The following RALYL variants were observed in gnomAD, a reference collection of about 807,000 sequenced individuals.
RALYL encodes the protein RALY RNA binding protein like.
A neutral mutation model predicts 35.1 loss-of-function variants in RALYL; 29 were observed. That is an observed-to-expected ratio of 0.83 (90% confidence interval 0.61 to 1.13). RALYL has a LOEUF of 1.13. Among genes scored for constraint, RALYL ranks in the 50% most tolerant of loss-of-function variants. The probability of loss-of-function intolerance (pLI) is 0.00; values close to 1 mark genes in which losing one functional copy is unlikely to be tolerated. For missense variants in RALYL, 359 were observed against 360.4 expected, an observed-to-expected ratio of 1.00 and a Z score of 0.03; for synonymous variants, 120 against 127.6, an observed-to-expected ratio of 0.94 and a Z score of 0.40.
chr8:84,744,668 C>A (rs1057409304), intron 2 of RALYL, among the ~76,000 whole-genome samples: 3 of 151,944 alleles, frequency 2.0e-5, no homozygotes, highest in African/African-American at 7.2e-5. Context: ...AGACCAAGGC[C>A]ATTCAGAGCT....
intron 2 of RALYL, among the ~76,000 whole-genome samples, chr8:84,632,610 T>C (rs1033622472): frequency 1.1e-4 from 16 of 151,854 alleles, no homozygotes; most frequent in East Asian, 3.9e-4. Flanking sequence ...TGTGTGTGTG[T>C]GTGTAGTTTT....
At chr8:84,684,526 G>A (rs538976842) in intron 2 of RALYL, among the ~76,000 whole-genome samples, 1 of 152,246 alleles carries the variant, frequency 6.6e-6, no homozygotes, top group South Asian at 2.1e-4. Context: ...TGAAGATGAA[G>A]AGAAATGACA....
At chr8:84,725,652 G>A (rs1387273349) in intron 2 of RALYL, among the ~76,000 whole-genome samples, 1 of 151,602 alleles carries the variant, frequency 6.6e-6, no homozygotes, top group Non-Finnish European at 1.5e-5. Flanking sequence ...ATACGTCTGT[G>A]AGCCCTTCAA....
At chr8:84,898,283 G>A (rs955492405) in intron 8 of RALYL, among the ~76,000 whole-genome samples, 2 of 152,164 alleles carry the variant, frequency 1.3e-5, no homozygotes, top group Non-Finnish European at 2.9e-5. Flanking sequence ...GGTGATTGTG[G>A]TGCCTACTGA....
intron 1 of RALYL, among the ~76,000 whole-genome samples, chr8:84,437,445 G>A (rs965977672): frequency 1.3e-5 from 2 of 152,144 alleles, no homozygotes; most frequent in Non-Finnish European, 2.9e-5. Context: ...ACTTTCCACA[G>A]TGACTGAGCT....
chr8:84,538,567 C>T (rs2059779027), intron 2 of RALYL, among the ~76,000 whole-genome samples: 1 of 151,836 alleles, frequency 6.6e-6, no homozygotes, highest in Non-Finnish European at 1.5e-5. Flanking sequence ...CATAGTGCCT[C>T]CACCAAAATG....
intron 1 of RALYL, among the ~76,000 whole-genome samples, chr8:84,314,631 C>G (rs1408770448): frequency 6.6e-6 from 1 of 152,092 alleles, no homozygotes; most frequent in African/African-American, 2.4e-5. Flanking sequence ...GAAGCTGAGG[C>G]AGGAGGATCA....
chr8:84,795,464 GA>G (rs1306827475), intron 3 of RALYL, among the ~76,000 whole-genome samples: 1 of 152,138 alleles, frequency 6.6e-6, no homozygotes, highest in Non-Finnish European at 1.5e-5. Flanking sequence ...TTAAATATGT[GA>G]AAATGCTTAA....
At chr8:84,753,653 T>C (rs1563524129) in intron 2 of RALYL, among the ~76,000 whole-genome samples, 1 of 152,100 alleles carries the variant, frequency 6.6e-6, no homozygotes, top group Non-Finnish European at 1.5e-5. Flanking sequence ...TAAAAGTGTA[T>C]GGCACCTCTT....
At chr8:84,213,737 A>G (rs1269799776) in intron 1 of RALYL, among the ~76,000 whole-genome samples, 1 of 152,202 alleles carries the variant, frequency 6.6e-6, no homozygotes, top group African/African-American at 2.4e-5. Flanking sequence ...TCCATTAATT[A>G]CAGAGAAGTA....
At chr8:84,425,673 C>G (rs1047127424) in intron 1 of RALYL, among the ~76,000 whole-genome samples, 4 of 152,136 alleles carry the variant, frequency 2.6e-5, no homozygotes, top group African/African-American at 9.7e-5. Flanking sequence ...ACTTAATATC[C>G]TATCCTGATG....
chr8:84,424,962 A>T (rs1279791971), intron 1 of RALYL, among the ~76,000 whole-genome samples: 1 of 151,902 alleles, frequency 6.6e-6, no homozygotes, highest in Non-Finnish European at 1.5e-5. Flanking sequence ...AAGCTGTCAG[A>T]CAGGGACATT....
chr8:84,487,865 G>C (rs2054825077), intron 1 of RALYL, among the ~76,000 whole-genome samples: 1 of 151,994 alleles, frequency 6.6e-6, no homozygotes, highest in South Asian at 2.1e-4. Context: ...AATTGATCTA[G>C]TTTGGCCAGA....
At chr8:84,291,132 G>A (rs1838699245) in intron 1 of RALYL, among the ~76,000 whole-genome samples, 1 of 152,098 alleles carries the variant, frequency 6.6e-6, no homozygotes, top group Non-Finnish European at 1.5e-5. Context: ...GAAGTATATT[G>A]GAACATAGGC....
At chr8:84,232,760 A>T (rs1429655232) in intron 1 of RALYL, among the ~76,000 whole-genome samples, 4 of 152,238 alleles carry the variant, frequency 2.6e-5, no homozygotes, top group Non-Finnish European at 5.9e-5. Flanking sequence ...TCTGTCAGTT[A>T]AAAAAGCTAT....
intron 2 of RALYL, among the ~76,000 whole-genome samples, chr8:84,687,730 CTTTTA>C (rs1341593325): frequency 1.3e-5 from 2 of 152,030 alleles, no homozygotes; most frequent in African/African-American, 2.4e-5. Flanking sequence ...CTAGAAACTT[CTTTTA>C]TTTTCTGCAA....
chr8:84,902,610 T>C (rs546339653), intron 8 of RALYL, among the ~76,000 whole-genome samples: 1 of 152,226 alleles, frequency 6.6e-6, no homozygotes, highest in African/African-American at 2.4e-5. Flanking sequence ...ACTCTAAAAA[T>C]GGGGAAACGG....
chr8:84,503,008 A>G (rs2056838763), intron 1 of RALYL, among the ~76,000 whole-genome samples: 4 of 152,138 alleles, frequency 2.6e-5, no homozygotes, highest in Admixed American at 2.6e-4. Flanking sequence ...TCATTTGAAT[A>G]ATCAGTTTTA....
chr8:84,721,706 T>C lies in RALYL; in HGVS notation c.257-52873T>C, dbSNP rs887180596. Among the ~76,000 whole-genome samples the C allele has an allele frequency of 3.1e-4, 47 of 152,118 alleles. 1 individual carries two copies. Among genetic ancestry groups the C allele is most frequent in the Admixed American group, 3.0e-3 (45 of 15,232 alleles). On this transcript the variant is annotated intron_variant, in intron 2 of 8. Transcript: ENST00000521268. Reference sequence around the variant, plus strand: ...TTTTAACATCAACATCAGAAATACATGGACAGAAGGGAATAATTTGAACCA... The same window carrying C: ...TTTTAACATCAACATCAGAAATACACGGACAGAAGGGAATAATTTGAACCA...
Sources: allele counts gnomAD v4.1 joint callset (sites outside exome capture counted in the v4.1 genomes callset), GRCh38; gene constraint gnomAD v4.1.1; transcripts MANE v1.5; gene names NCBI Gene and HGNC (gene_info 2026-07-23, HGNC 2026-07-21).